DNAH14: variants seen among roughly 807,000 people sequenced by gnomAD.
DNAH14 encodes dynein axonemal heavy chain 14, also known as axonemal beta dynein heavy chain 14.
DNAH14 carries 478 observed loss-of-function variants against 520.9 expected under a neutral mutation model. The ratio of observed to expected loss-of-function variants is 0.92; its 90% CI spans 0.85 to 0.99. DNAH14 has a LOEUF of 0.99. DNAH14 is among the 50% of genes least tolerant of loss of function. DNAH14 has a pLI of 0.00. For missense variants in DNAH14, 4,831 were observed against 5,234.5 expected (o/e 0.92, Z 2.38); for synonymous variants, 1,581 against 1,757.2 (o/e 0.90, Z 2.51).
intron 34 of DNAH14, among the ~76,000 whole-genome samples, chr1:225,158,751 AT>A (rs2081272568): frequency 6.6e-6 from 1 of 152,208 alleles, no homozygotes; most frequent in African/African-American, 2.4e-5. Context: ...CACAGAGTCC[AT>A]TTTGCTGAGG....
chr1:225,056,656 G>A (rs2069137992), intron 17 of DNAH14, among the ~76,000 whole-genome samples: 1 of 152,062 alleles, frequency 6.6e-6, no homozygotes, highest in East Asian at 1.9e-4. Context: ...GGGTTCTTAT[G>A]GTTTTAGGTC....
intron 27 of DNAH14, among the ~76,000 whole-genome samples, chr1:225,126,583 T>G (rs1449818123): frequency 6.6e-6 from 1 of 152,190 alleles, no homozygotes; most frequent in African/African-American, 2.4e-5. Context: ...TTGCTTCTAT[T>G]TGATTCTTCT....
intron 43 of DNAH14, among the ~76,000 whole-genome samples, chr1:225,247,764 C>T (rs958532588): frequency 6.6e-6 from 1 of 152,126 alleles, no homozygotes; most frequent in Admixed American, 6.5e-5. Context: ...TGGTGGCTCA[C>T]GCCTGTAATC....
chr1:225,038,932 A>C, intron 12 of DNAH14, 109 bp downstream of exon 12: 1 of 964,536 alleles, frequency 1.0e-6, no homozygotes, highest in East Asian at 3.0e-5. Flanking sequence ...CTTACCCAAC[A>C]TACCCTCGCC....
intron 17 of DNAH14, among the ~76,000 whole-genome samples, chr1:225,056,310 C>G (rs972730633): frequency 2.6e-5 from 4 of 151,980 alleles, no homozygotes; most frequent in East Asian, 1.9e-4. Flanking sequence ...TTTTTCATGT[C>G]TTTTGGCTGC....
At chr1:225,389,479 G>A (rs1051245330) in intron 82 of DNAH14, among the ~76,000 whole-genome samples, 5 of 152,236 alleles carry the variant, frequency 3.3e-5, no homozygotes, top group African/African-American at 1.2e-4. Context: ...TCTGCGAGGC[G>A]CAGGCAGGAT....
At chr1:225,100,950 T>A in intron 23 of DNAH14, 66 bp downstream of exon 23, 1 of 1,290,458 alleles carries the variant, frequency 7.7e-7, no homozygotes, top group Non-Finnish European at 1.0e-6. Flanking sequence ...TGATATAATG[T>A]AATCTACTGC....
intron 23 of DNAH14, among the ~76,000 whole-genome samples, chr1:225,101,251 ATATATT>A (rs2075429996): frequency 1.3e-5 from 2 of 151,836 alleles, no homozygotes; most frequent in Non-Finnish European, 2.9e-5. Flanking sequence ...TAGTAGATGT[ATATATT>A]TATGGGGTAC....
chr1:225,213,542 T>C (rs1206135386), intron 41 of DNAH14, among the ~76,000 whole-genome samples: 1 of 152,182 alleles, frequency 6.6e-6, no homozygotes, highest in East Asian at 1.9e-4. Flanking sequence ...TCCATGAGCA[T>C]GAGATGTTCT....
chr1:225,262,867 C>A (rs1481571776), intron 46 of DNAH14, among the ~76,000 whole-genome samples: 1 of 151,128 alleles, frequency 6.6e-6, no homozygotes, highest in Non-Finnish European at 1.5e-5. Context: ...TTTTTTTAAC[C>A]CTGTGAAAAA....
chr1:224,961,234 A>T (rs919866143), intron 4 of DNAH14: 1 of 152,138 alleles, frequency 6.6e-6, no homozygotes, highest in African/African-American at 2.4e-5. Flanking sequence ...ATCCATTCCC[A>T]AGCAACACCT....
Position 225,398,586 on chromosome 1 carries a change from C to G in DNAH14, c.13558C>G (p.Arg4520Gly). The G allele has an allele frequency of 6.4e-7, 1 of 1,551,724 alleles. No individual in the cohort carries two copies. The highest frequency in any genetic ancestry group is 8.7e-7 in the Non-Finnish European group (1 of 1,147,004). Residue 4520 changes from arginine (R) to glycine (G), a missense_variant, in exon 85 of 86, where the codon CGT becomes GGT. Transcript: ENST00000682510. The part of the protein sequence containing the change: ...GLFIEGARWN[R>G]EQKILEDSLP... ...ATTCATCGAGGGGGCAAGATGGAAT[C>G]GTGAACAGAAAATACTGGAAGACTC...
chr1:225,296,681 G>A (rs1226499111), intron 55 of DNAH14, among the ~76,000 whole-genome samples: 2 of 152,100 alleles, frequency 1.3e-5, no homozygotes, highest in African/African-American at 2.4e-5. Context: ...CGCTAGGGGT[G>A]ATGAATTCCC....
chr1:224,942,115 C>T (rs1420899330), intron 1 of DNAH14, among the ~76,000 whole-genome samples: 3 of 152,118 alleles, frequency 2.0e-5, no homozygotes, highest in Admixed American at 1.3e-4. Context: ...GCCATTTTCA[C>T]GATATTGATT....
intron 1 of DNAH14, 26 bp downstream of exon 1, chr1:224,929,861 A>G (rs1414649175): frequency 7.6e-6 from 5 of 656,626 alleles, no homozygotes; most frequent in Non-Finnish European, 1.4e-5. Context: ...TCTTCCTGTC[A>G]GCGGTCGGCA....
At chr1:225,130,350 C>G (rs2078256358) in intron 27 of DNAH14, among the ~76,000 whole-genome samples, 1 of 151,966 alleles carries the variant, frequency 6.6e-6, no homozygotes, top group African/African-American at 2.4e-5. Context: ...AATCATGCTG[C>G]TATAAAGACA....
At chr1:225,296,984 T>C (rs563679676) in intron 55 of DNAH14, among the ~76,000 whole-genome samples, 1 of 152,278 alleles carries the variant, frequency 6.6e-6, no homozygotes, top group South Asian at 2.1e-4. Context: ...TGAATCTACT[T>C]GGGGACATTG....
At chr1:225,045,394 ATAATAGTAT>A (rs1335354961) in intron 15 of DNAH14, among the ~76,000 whole-genome samples, 2 of 152,080 alleles carry the variant, frequency 1.3e-5, no homozygotes, top group East Asian at 3.8e-4. Flanking sequence ...TAATATTAGT[ATAATAGTAT>A]TAATGAAATG....
At position 225,111,327 on chromosome 1, in the gene DNAH14, T is replaced by A. The variant is rs115531717; in HGVS notation, c.3868-6357T>A. Among the ~76,000 whole-genome samples the A allele has an allele frequency of 2.1e-3, 317 of 152,170 alleles. 1 individual carries two copies. Among genetic ancestry groups the A allele is most frequent in the African/African-American group, 7.3e-3 (303 of 41,568 alleles). On this transcript the variant is annotated intron_variant, in intron 23 of 85. Transcript: ENST00000682510. ...GGGTGCATTTATATTTATATGCACC[T>A]TGCTGAATTGACCCTTCTTATCCTC... is the stretch of plus-strand genomic sequence containing the variant.
Sources: gnomAD v4.1 joint callset for allele counts (sites outside exome capture counted in the v4.1 genomes callset) on GRCh38, gnomAD v4.1.1 for gene constraint, MANE v1.5 for transcripts, NCBI Gene and HGNC (gene_info 2026-07-23, HGNC 2026-07-21) for gene names.